The following JAKMIP3 variants were observed in gnomAD, a reference collection of about 807,000 sequenced individuals.
JAKMIP3 encodes the protein janus kinase and microtubule-interacting protein 3.
Under a neutral mutation model 118.5 loss-of-function variants are expected in JAKMIP3, and 58 were observed. The observed-to-expected ratio is 0.49, with a 90% CI of 0.40 to 0.61. JAKMIP3 has a LOEUF of 0.61. JAKMIP3 is among the 20% of genes least tolerant of loss of function. JAKMIP3 has a pLI of 0.00. For missense variants in JAKMIP3, 950 were observed against 1,109.0 expected, an observed-to-expected ratio of 0.86 and a Z score of 2.04; for synonymous variants, 486 against 451.2, an observed-to-expected ratio of 1.08 and a Z score of -0.98.
At chr10:132,133,258 A>T in intron 3 of JAKMIP3, 54 bp from the exon 4 acceptor site, 1 of 1,415,266 alleles carries the variant, frequency 7.1e-7, no homozygotes, top group Non-Finnish European at 9.8e-7. Context: ...TTTCTATGGT[A>T]ACTGCAGATC....
At chr10:132,113,467 C>A (rs1449037906) in intron 2 of JAKMIP3, among the ~76,000 whole-genome samples, 2 of 152,236 alleles carry the variant, frequency 1.3e-5, no homozygotes, top group African/African-American at 4.8e-5. Flanking sequence ...TGATAAGGAA[C>A]AAAGCGGCCA....
intron 23 of JAKMIP3, among the ~76,000 whole-genome samples, chr10:132,169,443 C>T (rs1049083271): frequency 1.3e-5 from 2 of 152,216 alleles, no homozygotes; most frequent in African/African-American, 4.8e-5. Context: ...CTGAGGTGTC[C>T]GCTCTGGGGA....
intron 1 of JAKMIP3, among the ~76,000 whole-genome samples, chr10:132,073,493 CTTTTTTTT>C (rs59985814): frequency 7.4e-6 from 1 of 134,904 alleles, no homozygotes; most frequent in Non-Finnish European, 1.6e-5. Context: ...CCTATCTTTA[CTTTTTTTT>C]TTTTTTTTTT....
chr10:132,068,918 C>G (rs1008194952), intron 1 of JAKMIP3, among the ~76,000 whole-genome samples: 2 of 152,080 alleles, frequency 1.3e-5, no homozygotes, highest in Non-Finnish European at 2.9e-5. Flanking sequence ...AAAGTGAAGC[C>G]GGAATTCAAA....
intron 1 of JAKMIP3, among the ~76,000 whole-genome samples, chr10:132,095,059 C>A (rs2043665169): frequency 6.6e-6 from 1 of 152,184 alleles, no homozygotes; most frequent in Non-Finnish European, 1.5e-5. Context: ...AATTGAAGGG[C>A]TGGTCTCACT....
Position 132,179,002 on chromosome 10 carries a change from T to C in JAKMIP3, c.*1104-3355T>C, listed in dbSNP as rs2060445075. ...TTCTGCCCTGCAGCTTTTAGCGAGG[T>C]TCTGGTGCCTTCGTGCCCGTGGGGC... On this transcript the variant is annotated intron_variant, in intron 23 of 23. Transcript: ENST00000684848. The surrounding 1 kb of genome is among the most constrained non-coding windows in gnomAD (Gnocchi z 4.3). 6.6e-6 allele frequency among the ~76,000 whole-genome samples: 1 copy of C among 152,168 alleles called. No homozygotes were observed. The highest frequency in any genetic ancestry group is 1.5e-5 in the Non-Finnish European group (1 of 68,038).
At chr10:132,129,670 G>A (rs565784168) in intron 3 of JAKMIP3, among the ~76,000 whole-genome samples, 87 of 152,270 alleles carry the variant, frequency 5.7e-4, no homozygotes, top group African/African-American at 2.1e-3. Context: ...ACAGGCTCAG[G>A]GATCTGCCTG....
intron 1 of JAKMIP3, among the ~76,000 whole-genome samples, chr10:132,047,205 G>T (rs1206388328): frequency 6.6e-6 from 1 of 152,194 alleles, no homozygotes; most frequent in Non-Finnish European, 1.5e-5. Flanking sequence ...AAAAGGCGGG[G>T]CAGGGAGTGG....
chr10:132,038,195 GCCACTGAAA>G (rs2037579867), intron 1 of JAKMIP3, among the ~76,000 whole-genome samples: 1 of 152,140 alleles, frequency 6.6e-6, no homozygotes, highest in African/African-American at 2.4e-5. Flanking sequence ...TCCAATGATA[GCCACTGAAA>G]TCCAGATTTT....
intron 16 of JAKMIP3, 74 bp downstream of exon 16, chr10:132,150,115 GGCCCTGCCAGCCTCCCACA>G: frequency 8.0e-7 from 1 of 1,247,344 alleles, no homozygotes; most frequent in South Asian, 1.3e-5. Flanking sequence ...GGGTCCAGGA[GGCCCTGCCAGCCTCCCACA>G]GCCCTGCCAT....
intron 1 of JAKMIP3, among the ~76,000 whole-genome samples, chr10:132,045,450 C>G (rs1422186183): frequency 6.6e-6 from 1 of 152,108 alleles, no homozygotes; most frequent in African/African-American, 2.4e-5. Flanking sequence ...GGTGGGTGCT[C>G]AGGAGAGGCA....
Position 132,168,363 on chromosome 10 carries a change from G to C in JAKMIP3, c.*433G>C. ...TAGCTGCCACTGGTGTCTGGAGGAA[G>C]ATTTTCAGAAACAACAGAGGCTTGG... is the stretch of plus-strand genomic sequence containing the variant. On this transcript the variant is annotated 3_prime_UTR_variant, in exon 23 of 24. Transcript: ENST00000684848. The C allele has an allele frequency of 7.8e-7, 1 of 1,289,608 alleles. No individual in the cohort carries two copies. Among genetic ancestry groups the C allele is most frequent in the Non-Finnish European group, 1.0e-6 (1 of 988,848 alleles). 79.9% of individuals were successfully genotyped at this position (1,289,608 alleles called of 1,614,324 possible). A position where few individuals can be genotyped will look rare whatever the true frequency, so the allele number is the denominator to read the frequency against.
chr10:132,166,753 C>T (rs1430900960), intron 21 of JAKMIP3, among the ~76,000 whole-genome samples: 13 of 152,210 alleles, frequency 8.5e-5, no homozygotes, highest in Admixed American at 8.5e-4. Context: ...CCACCCGCAT[C>T]TGCCCGGTGC....
At chr10:132,124,560 C>T (rs543759644) in intron 3 of JAKMIP3, among the ~76,000 whole-genome samples, 5 of 150,008 alleles carry the variant, frequency 3.3e-5, no homozygotes, top group African/African-American at 7.3e-5. Flanking sequence ...GCATCGCACA[C>T]GTCCGTTGCC....
intron 1 of JAKMIP3, among the ~76,000 whole-genome samples, chr10:132,083,788 G>T (rs1362349396): frequency 6.6e-6 from 1 of 152,154 alleles, no homozygotes; most frequent in African/African-American, 2.4e-5. Context: ...TTAAAAGGGT[G>T]TCCTTTCTCC....
At position 132,145,124 on chromosome 10, in the gene JAKMIP3, A is replaced by G; in HGVS notation, c.1620A>G (p.Gln540=). 3 of 1,612,456 alleles carry G rather than the reference A, an allele frequency of 1.9e-6. No individual in the cohort carries two copies. Among genetic ancestry groups the G allele is most frequent in the Non-Finnish European group, 2.5e-6 (3 of 1,179,740 alleles). The stretch of plus-strand genomic sequence containing the variant: ...TCCTACAGACCCGTGAGCAGCTACA[A>G]GCCGAAGTGCAGAGGGCACAGGCGC... ...EREVKTREQL[Q]AEVQRAQARI... The change falls in exon 12 of 24, where the codon CAA becomes CAG. Residue 540 remains glutamine (Q), a synonymous_variant. Transcript: ENST00000684848.
chr10:132,161,535 G>GTGATGC (rs2058322611), intron 19 of JAKMIP3, among the ~76,000 whole-genome samples: 1 of 42,108 alleles, frequency 2.4e-5, no homozygotes, highest in Admixed American at 3.1e-4. Flanking sequence ...CTCTCCCTGT[G>GTGATGC]TGATGCTGGG....
intron 4 of JAKMIP3, 74 bp from the exon 5 acceptor site, chr10:132,134,967 A>T: frequency 1.3e-6 from 2 of 1,566,636 alleles, no homozygotes; most frequent in East Asian, 4.6e-5. Context: ...TTGTTCCCGT[A>T]GCGTGCTGGG....
At position 132,117,321 on chromosome 10, in the gene JAKMIP3, G is replaced by T; in HGVS notation, c.380G>T (p.Gly127Val). The change falls in exon 3 of 24, where the codon GGC (glycine) becomes GTC (valine). Residue 127 changes from glycine to valine, a missense_variant. Coordinates refer to ENST00000684848, the MANE Select transcript of JAKMIP3 (RefSeq NM_001323087.2). The surrounding 1 kb of genome is among the most constrained non-coding windows in gnomAD (Gnocchi z 8.6). The part of the protein sequence containing the change: ...QALLSALRDG[G>V]PEKVKTVLLS... ...CTGCTCAGTGCCCTGCGTGATGGCG[G>T]CCCCGAAAAGGTCAAGACCGTGCTG... 2 of 1,614,010 alleles carry T rather than the reference G, an allele frequency of 1.2e-6. No homozygotes were observed. Among genetic ancestry groups the T allele is most frequent in the African/African-American group, 1.3e-5 (1 of 75,066 alleles).
Sources: gnomAD v4.1 joint callset for allele counts (sites outside exome capture counted in the v4.1 genomes callset) on GRCh38, gnomAD v4.1.1 for gene constraint, Gnocchi (gnomAD v3.1) non-coding constraint, MANE v1.5 for transcripts, NCBI Gene and HGNC (gene_info 2026-07-23, HGNC 2026-07-21) for gene names.